SLC47A2: variants seen among roughly 807,000 people sequenced by gnomAD.
SLC47A2 encodes the protein solute carrier family 47 member 2.
In SLC47A2, 52 loss-of-function variants were observed where a neutral mutation model predicts 67.7. The ratio of observed to expected loss-of-function variants is 0.77; its 90% CI spans 0.61 to 0.97. The LOEUF is 0.97. Among genes scored for constraint, SLC47A2 ranks in the 50% least tolerant of loss-of-function variants. The probability of loss-of-function intolerance (pLI) is 0.00; values close to 1 mark genes in which losing one functional copy is unlikely to be tolerated. For missense variants in SLC47A2, 676 were observed against 712.3 expected, an observed-to-expected ratio of 0.95 and a Z score of 0.58; for synonymous variants, 278 against 292.9, an observed-to-expected ratio of 0.95 and a Z score of 0.52.
At chr17:19,690,384 C>A (rs916964885) in intron 13 of SLC47A2, among the ~76,000 whole-genome samples, 7 of 151,898 alleles carry the variant, frequency 4.6e-5, no homozygotes, top group Non-Finnish European at 1.0e-4. Context: ...TGAATAATAC[C>A]CCCAAAGCAC....
At position 19,678,719 on chromosome 17, in the gene SLC47A2, C is replaced by A. The variant is rs754804417; in HGVS notation, c.1668G>T (p.Gly556=). ...TGGTGGCTAGGATCCTGACCGTGAG[C>A]CCCACCATCAGTGTGGCTGACGCCG... is the stretch of plus-strand genomic sequence containing the variant. ...LGAASATLMV[G]LTVRILATRH is the part of the protein sequence containing the mutation. Residue 556 remains glycine, a synonymous_variant, in exon 17 of 17, where the codon GGG becomes GGT. Transcript: ENST00000433844. 1 of 1,613,348 alleles carries A rather than the reference C, an allele frequency of 6.2e-7. No individual in the cohort carries two copies. The highest frequency in any genetic ancestry group is 8.5e-7 in the Non-Finnish European group (1 of 1,180,026).
intron 13 of SLC47A2, among the ~76,000 whole-genome samples, chr17:19,693,001 C>T (rs775766607): frequency 1.6e-4 from 25 of 151,766 alleles, no homozygotes; most frequent in African/African-American, 4.8e-4. Context: ...TGTGGTGGTG[C>T]GTGCCTGTAA....
chr17:19,700,357 C>T (rs1300541818), intron 13 of SLC47A2, among the ~76,000 whole-genome samples: 1 of 152,190 alleles, frequency 6.6e-6, no homozygotes, highest in African/African-American at 2.4e-5. Context: ...TGCACATACA[C>T]AAGCCCTCAG....
At chr17:19,693,792 C>T (rs2085598472) in intron 13 of SLC47A2, among the ~76,000 whole-genome samples, 1 of 152,038 alleles carries the variant, frequency 6.6e-6, no homozygotes, top group East Asian at 1.9e-4. Flanking sequence ...AGCGAGACTC[C>T]GTCTCAGAAC....
chr17:19,679,006 G>T (rs1180813882), intron 16 of SLC47A2, 100 bp from the exon 17 acceptor site: 5 of 941,600 alleles, frequency 5.3e-6, no homozygotes, highest in Admixed American at 2.1e-5. Context: ...GGCTGTGTTT[G>T]TTACACCTCA....
intron 5 of SLC47A2, 57 bp downstream of exon 5, chr17:19,712,645 GC>G: frequency 1.3e-6 from 2 of 1,579,626 alleles, no homozygotes; most frequent in South Asian, 2.3e-5. Flanking sequence ...GAGTGGGAAA[GC>G]AAAAAGCCAG....
At position 19,708,703 on chromosome 17, in the gene SLC47A2, C is replaced by T; in HGVS notation, c.531+13G>A. The T allele has an allele frequency of 1.9e-6, 3 of 1,613,908 alleles. No homozygotes were observed. Among genetic ancestry groups the T allele is most frequent in the Non-Finnish European group, 2.5e-6 (3 of 1,180,022 alleles). Reference sequence around the variant, plus strand: ...CTGGGAGAAGGGCCTCCCCACACACCAAAGACCTGTACCTGATTTTGCAAA... The same window carrying T: ...CTGGGAGAAGGGCCTCCCCACACACTAAAGACCTGTACCTGATTTTGCAAA... On this transcript the variant is annotated intron_variant, in intron 6 of 16. Coordinates refer to ENST00000433844, the MANE Select transcript of SLC47A2 (RefSeq NM_001099646.3).
chr17:19,688,586 T>TTTTG (rs1041181575), intron 13 of SLC47A2, among the ~76,000 whole-genome samples: 1 of 152,128 alleles, frequency 6.6e-6, no homozygotes, highest in Non-Finnish European at 1.5e-5. Context: ...ATATCATCTT[T>TTTTG]TTTGTTTGTT....
intron 13 of SLC47A2, among the ~76,000 whole-genome samples, chr17:19,695,264 A>C (rs1026300975): frequency 2.0e-5 from 3 of 152,166 alleles, no homozygotes; most frequent in Admixed American, 2.0e-4. Flanking sequence ...AAGGTAATGC[A>C]TATGTTAATT....
At position 19,685,872 on chromosome 17, in the gene SLC47A2, G is replaced by C. The variant is rs1161762133; in HGVS notation, c.1165-4202C>G. Among the ~76,000 whole-genome samples the C allele has an allele frequency of 6.6e-6, 1 of 152,192 alleles. No individual in the cohort carries two copies. Among genetic ancestry groups the C allele is most frequent in the Non-Finnish European group, 1.5e-5 (1 of 68,022 alleles). On this transcript the variant is annotated intron_variant, in intron 13 of 16. Transcript: ENST00000433844. This position sits in a 1 kb window ranked among gnomAD's most constrained non-coding sequence, Gnocchi z 4.5. ...GTAAGATATAAATAGAAACAACAAAGTTAAGAAACAGCAGGGGATGAAGTT... is the reference window on the plus strand; with the variant it reads ...GTAAGATATAAATAGAAACAACAAACTTAAGAAACAGCAGGGGATGAAGTT...
rs138599730 is a variant in SLC47A2, at chr17:19,704,186, C to T, written c.910-8G>A. On this transcript the variant is annotated splice_polypyrimidine_tract_variant and splice_region_variant and intron_variant, in intron 10 of 16. Coordinates refer to ENST00000433844, the MANE Select transcript of SLC47A2 (RefSeq NM_001099646.3). ...GCTGAGCCCCAAGGGAATCTGGGAT[C>T]AAAGATAAGAAAGCACTGTCAGTGG... is the stretch of plus-strand genomic sequence containing the variant. The T allele has an allele frequency of 1.9e-6, 3 of 1,599,394 alleles. No individual in the cohort carries two copies. The highest frequency in any genetic ancestry group is 2.6e-6 in the Non-Finnish European group (3 of 1,173,950).
chr17:19,701,591 A>G (rs1199496107), intron 13 of SLC47A2, among the ~76,000 whole-genome samples: 1 of 152,234 alleles, frequency 6.6e-6, no homozygotes, highest in Admixed American at 6.5e-5. Flanking sequence ...TGAAGAATTC[A>G]CGTAACTCCA....
rs762894759 is a variant in SLC47A2 at position 19,706,704 on chromosome 17, C to CTGG, written c.782_784dup (p.Pro261_Ser262insThr). 3.1e-5 allele frequency: 50 copies of CTGG among 1,611,182 alleles called. No individual in the cohort carries two copies. Among genetic ancestry groups the CTGG allele is most frequent in the Non-Finnish European group, 4.1e-5 (48 of 1,179,218 alleles). On this transcript the variant is annotated inframe_insertion, in exon 9 of 17. Coordinates refer to ENST00000433844, the MANE Select transcript of SLC47A2 (RefSeq NM_001099646.3). The stretch of plus-strand genomic sequence containing the variant: ...CCACTCAACACAGATCATGAGCATG[C>CTGG]TGGGGACAGCCAGGGAGAAGAAGGG...
intron 15 of SLC47A2, among the ~76,000 whole-genome samples, chr17:19,681,159 G>A (rs2085304135): frequency 2.0e-5 from 3 of 152,122 alleles, no homozygotes. Context: ...CTTGCAGTGA[G>A]CTGAGATCGC....
At chr17:19,688,249 T>G (rs1183967945) in intron 13 of SLC47A2, among the ~76,000 whole-genome samples, 1 of 152,058 alleles carries the variant, frequency 6.6e-6, no homozygotes, top group African/African-American at 2.4e-5. Flanking sequence ...ATCAAGAGAA[T>G]TAAGGACAAA....
intron 13 of SLC47A2, among the ~76,000 whole-genome samples, chr17:19,689,350 A>G (rs2085491563): frequency 6.6e-6 from 1 of 152,240 alleles, no homozygotes; most frequent in Non-Finnish European, 1.5e-5. Flanking sequence ...TCAAGAGAGT[A>G]TTCCCATTTA....
intron 13 of SLC47A2, among the ~76,000 whole-genome samples, chr17:19,692,052 AC>A (rs1331556383): frequency 1.3e-5 from 2 of 152,078 alleles, no homozygotes; most frequent in African/African-American, 4.8e-5. Context: ...ACATGGTGAA[AC>A]CCCGTCTCTA....
chr17:19,714,976 C>T (rs1471498774), intron 2 of SLC47A2, 140 bp downstream of exon 2: 2 of 1,252,902 alleles, frequency 1.6e-6, no homozygotes, highest in Non-Finnish European at 2.3e-6. Flanking sequence ...CCTCAGGTTC[C>T]ACCTGTGAAG....
At chr17:19,682,365 A>ACACACACAC (rs55725189) in intron 13 of SLC47A2, among the ~76,000 whole-genome samples, 1 of 147,224 alleles carries the variant, frequency 6.8e-6, no homozygotes, top group South Asian at 2.1e-4. Context: ...ACACACACAC[A>ACACACACAC]AATTTATTAT....
Sources: allele counts gnomAD v4.1 joint callset (sites outside exome capture counted in the v4.1 genomes callset), GRCh38; gene constraint gnomAD v4.1.1; non-coding constraint Gnocchi (gnomAD v3.1); transcripts MANE v1.5; gene names NCBI Gene and HGNC (gene_info 2026-07-23, HGNC 2026-07-21).